Variants in COLEC11 observed in about 807,000 individuals in gnomAD.
COLEC11 encodes collectin subfamily member 11, also known as collectin-11.
A neutral mutation model predicts 27.3 loss-of-function variants in COLEC11; 20 were observed. The observed-to-expected ratio is 0.73, with a 90% CI of 0.51 to 1.06. The LOEUF is 1.06. COLEC11 is among the 50% of genes least tolerant of loss of function. COLEC11 has a pLI of 0.00. For synonymous variants in COLEC11, 163 were observed against 154.7 expected (o/e 1.05, Z -0.40); for missense variants, 310 against 383.0 (o/e 0.81, Z 1.59).
At chr2:3,603,582 G>A in intron 1 of COLEC11, 1 of 1,516,038 alleles carries the variant, frequency 6.6e-7, no homozygotes, top group Non-Finnish European at 9.0e-7. Flanking sequence ...CTCCCAAAGT[G>A]CTGGAATTAC....
At chr2:3,629,096 G>A (rs1036415479) in intron 3 of COLEC11, among the ~76,000 whole-genome samples, 3 of 152,224 alleles carry the variant, frequency 2.0e-5, no homozygotes, top group Admixed American at 6.5e-5. Flanking sequence ...AAAGGCGTTA[G>A]GGCTCTTGTT....
At chr2:3,597,419 C>T (rs1439896375) in intron 1 of COLEC11, among the ~76,000 whole-genome samples, 1 of 146,334 alleles carries the variant, frequency 6.8e-6, no homozygotes, top group Non-Finnish European at 1.5e-5. Flanking sequence ...CGAGAAATCC[C>T]GCCTGGGCTG....
At chr2:3,613,421 A>C (rs1417662730) in intron 3 of COLEC11, 39 bp downstream of exon 3, 2 of 1,542,442 alleles carry the variant, frequency 1.3e-6, no homozygotes, top group African/African-American at 2.7e-5. Flanking sequence ...AGCTCTGAGG[A>C]TGGAGGCACC....
chr2:3,626,137 G>A, intron 3 of COLEC11: 25 of 1,495,550 alleles, frequency 1.7e-5, no homozygotes, highest in Non-Finnish European at 2.3e-5. Flanking sequence ...GTTGGACCCT[G>A]AGATGCAGAG....
Position 3,620,163 on chromosome 2 carries a change from T to C in COLEC11, c.202+6781T>C, listed in dbSNP as rs149777343. On this transcript the variant is annotated intron_variant, in intron 3 of 6. Transcript: ENST00000349077. ...TATTAATTCCTATTTAAATTTTTGG[T>C]AAAGTTTGGCATGAGGCTACCAGGT... is the stretch of plus-strand genomic sequence containing the variant. Among the ~76,000 whole-genome samples the C allele has an allele frequency of 6.2e-4, 94 of 152,316 alleles. No individual in the cohort carries two copies. The East Asian group carries it at 0.014, about 23-fold the overall frequency.
At chr2:3,612,946 G>C (rs1175941552) in intron 2 of COLEC11, among the ~76,000 whole-genome samples, 5 of 151,612 alleles carry the variant, frequency 3.3e-5, no homozygotes, top group Admixed American at 6.6e-5. Context: ...CGCTTCCCAT[G>C]GGGGCGCCTG....
At chr2:3,619,926 G>A (rs541661288) in intron 3 of COLEC11, among the ~76,000 whole-genome samples, 5 of 152,110 alleles carry the variant, frequency 3.3e-5, no homozygotes, top group Non-Finnish European at 5.9e-5. Context: ...GCTCCCGGCC[G>A]TGTATAATCT....
intron 3 of COLEC11, among the ~76,000 whole-genome samples, chr2:3,634,752 C>T (rs900503021): frequency 6.6e-6 from 1 of 152,084 alleles, no homozygotes; most frequent in Admixed American, 6.5e-5. Context: ...GAGAGGGATT[C>T]AGAGGAGGGC....
At chr2:3,601,201 C>T (rs931577409) in intron 1 of COLEC11, among the ~76,000 whole-genome samples, 6 of 152,170 alleles carry the variant, frequency 3.9e-5, no homozygotes, top group South Asian at 2.1e-4. Context: ...TGAGTAGGGT[C>T]GCCGTGGACA....
chr2:3,613,516 G>A (rs745562494), intron 3 of COLEC11, 134 bp downstream of exon 3: 24 of 871,392 alleles, frequency 2.8e-5, no homozygotes, highest in African/African-American at 5.1e-5. Context: ...GGAGGCAGAC[G>A]GCATGGGACT....
chr2:3,595,461 A>G (rs539547421), intron 1 of COLEC11, among the ~76,000 whole-genome samples: 15 of 152,364 alleles, frequency 9.8e-5, no homozygotes, highest in African/African-American at 3.6e-4. Context: ...GATTTCAAAC[A>G]GCCCAAGGCC....
At chr2:3,636,650 A>G (rs932875390) in intron 3 of COLEC11, among the ~76,000 whole-genome samples, 4 of 152,096 alleles carry the variant, frequency 2.6e-5, no homozygotes, top group South Asian at 2.1e-4. Flanking sequence ...GTTTTTCCCT[A>G]TGTACTTGTT....
intron 3 of COLEC11, among the ~76,000 whole-genome samples, chr2:3,634,626 A>C (rs911907289): frequency 6.6e-6 from 1 of 152,184 alleles, no homozygotes; most frequent in African/African-American, 2.4e-5. Context: ...CTGTTACAGA[A>C]ATCTTCAGGT....
chr2:3,629,482 ACATGCACT>A (rs1180127598), intron 3 of COLEC11, among the ~76,000 whole-genome samples: 1 of 152,222 alleles, frequency 6.6e-6, no homozygotes, highest in Non-Finnish European at 1.5e-5. Flanking sequence ...AGGCTTATGT[ACATGCACT>A]CATGCACACA....
In COLEC11 at chr2:3,641,509, G is replaced by C. The variant is rs1665867537; in HGVS notation, c.328+1178G>C. ...GCTATCGTCAGGCCTAGCTTGGTCAGAGTTTGGAGGTTAAATGAGGAAAGG... is the reference window on the plus strand; with the variant it reads ...GCTATCGTCAGGCCTAGCTTGGTCACAGTTTGGAGGTTAAATGAGGAAAGG... On this transcript the variant is annotated intron_variant, in intron 5 of 6. Coordinates refer to ENST00000349077, the MANE Select transcript of COLEC11 (RefSeq NM_024027.5). The C allele has an allele frequency of 2.9e-6, 3 of 1,049,962 alleles. No homozygotes were observed. In the South Asian group the frequency reaches 4.8e-5, roughly 17 times the overall value. 65.0% of individuals were successfully genotyped at this position (1,049,962 alleles called of 1,614,324 possible). A position where few individuals can be genotyped will look rare whatever the true frequency, so the allele number is the denominator to read the frequency against.
In COLEC11 at chr2:3,626,606, A is replaced by G. The variant is rs532364930; in HGVS notation, c.203-10927A>G. The stretch of plus-strand genomic sequence containing the variant: ...GTGCTTTTGTTCATGGGAACTCACT[A>G]GGGAATGAGCATGACTTCCGGCCTC... On this transcript the variant is annotated intron_variant, in intron 3 of 6. Transcript: ENST00000349077. 2.0e-5 allele frequency among the ~76,000 whole-genome samples: 3 copies of G among 152,354 alleles called. No homozygotes were observed. The South Asian group carries it at 6.2e-4, about 32-fold the overall frequency.
chr2:3,613,843 G>C (rs546747799), intron 3 of COLEC11, among the ~76,000 whole-genome samples: 1 of 152,198 alleles, frequency 6.6e-6, no homozygotes, highest in Non-Finnish European at 1.5e-5. Context: ...GATCATACGT[G>C]TAAAGGAAAT....
In COLEC11 at chr2:3,641,590, C is replaced by T. The variant is rs373674503; in HGVS notation, c.328+1259C>T. 1.2e-4 allele frequency among the ~76,000 whole-genome samples: 19 copies of T among 152,324 alleles called. No individual in the cohort carries two copies. In the East Asian group the frequency reaches 3.1e-3, roughly 25 times the overall value. ...TCCAGAAAGCCTCTATTACCTCAAACCTCAGCCAGCTTGAAGATAAAATAT... is the reference window on the plus strand; with the variant it reads ...TCCAGAAAGCCTCTATTACCTCAAATCTCAGCCAGCTTGAAGATAAAATAT... On this transcript the variant is annotated intron_variant, in intron 5 of 6. Transcript: ENST00000349077.
chr2:3,638,935 AAG>A (rs1361004546), intron 4 of COLEC11, among the ~76,000 whole-genome samples: 2 of 152,130 alleles, frequency 1.3e-5, no homozygotes, highest in Non-Finnish European at 2.9e-5. Flanking sequence ...CATCTCTCCA[AAG>A]AGAGACTCTT....
Sources: allele counts gnomAD v4.1 joint callset (sites outside exome capture counted in the v4.1 genomes callset), GRCh38; gene constraint gnomAD v4.1.1; transcripts MANE v1.5; gene names NCBI Gene and HGNC (gene_info 2026-07-23, HGNC 2026-07-21).